Variants in SPOCK1 observed in about 807,000 individuals in gnomAD.
SPOCK1 encodes SPARC (osteonectin), cwcv and kazal like domains proteoglycan 1, also known as testican-1.
In SPOCK1, 23 loss-of-function variants were observed where a neutral mutation model predicts 55.3. The ratio of observed to expected loss-of-function variants is 0.42; its 90% CI spans 0.30 to 0.59. The LOEUF (loss-of-function observed/expected upper bound fraction) is 0.59, where lower values mean the gene tolerates loss of function less well. Ranked by LOEUF, SPOCK1 falls within the 20% of genes least tolerant of loss-of-function variation. The pLI, the probability that SPOCK1 is intolerant of heterozygous loss-of-function variation, is 0.22. For missense variants in SPOCK1, 499 were observed against 552.5 expected (o/e 0.90, Z 0.97); for synonymous variants, 226 against 221.0 (o/e 1.02, Z -0.20).
intron 5 of SPOCK1, among the ~76,000 whole-genome samples, chr5:137,097,303 C>T (rs1344078662): frequency 2.0e-5 from 3 of 152,156 alleles, no homozygotes; most frequent in Non-Finnish European, 2.9e-5. Flanking sequence ...TTTTCTGACT[C>T]CCTTGCACAT....
At chr5:137,496,253 C>T (rs138793812) in intron 2 of SPOCK1, among the ~76,000 whole-genome samples, 40 of 152,250 alleles carry the variant, frequency 2.6e-4, no homozygotes, top group African/African-American at 9.1e-4. Flanking sequence ...TTCAGGTGAG[C>T]TTCATCCTCA....
At chr5:137,143,864 G>T (rs1754144946) in intron 3 of SPOCK1, among the ~76,000 whole-genome samples, 1 of 152,136 alleles carries the variant, frequency 6.6e-6, no homozygotes, top group Non-Finnish European at 1.5e-5. Context: ...AGAGATGCAG[G>T]ACAAACCTGG....
intron 2 of SPOCK1, among the ~76,000 whole-genome samples, chr5:137,405,646 G>A (rs1256607836): frequency 6.6e-6 from 1 of 152,128 alleles, no homozygotes; most frequent in African/African-American, 2.4e-5. Flanking sequence ...AGCTACACAA[G>A]TGAGAGGTAC....
chr5:137,348,211 T>A (rs1001033628), intron 2 of SPOCK1, among the ~76,000 whole-genome samples: 13 of 152,120 alleles, frequency 8.5e-5, no homozygotes, highest in Admixed American at 5.2e-4. Context: ...AGGTTAGAGG[T>A]GGACATTCAG....
chr5:137,281,504 T>C (rs557225658), intron 2 of SPOCK1, among the ~76,000 whole-genome samples: 1 of 152,382 alleles, frequency 6.6e-6, no homozygotes, highest in East Asian at 1.9e-4. Flanking sequence ...CTGGCATTTC[T>C]GTACCCTATT....
chr5:137,186,287 T>C (rs1275581179), intron 3 of SPOCK1, among the ~76,000 whole-genome samples: 8 of 152,226 alleles, frequency 5.3e-5, no homozygotes, highest in African/African-American at 1.2e-4. Flanking sequence ...CACAGAGATA[T>C]GCTAAGTTGA....
intron 6 of SPOCK1, among the ~76,000 whole-genome samples, chr5:137,033,513 C>T (rs533428575): frequency 3.3e-5 from 5 of 152,296 alleles, no homozygotes; most frequent in African/African-American, 4.8e-5. Flanking sequence ...CCCTTGTCCC[C>T]GGGACTCACC....
chr5:137,470,108 G>A (rs1580944387), intron 2 of SPOCK1, among the ~76,000 whole-genome samples: 2 of 152,238 alleles, frequency 1.3e-5, no homozygotes, highest in Non-Finnish European at 2.9e-5. Flanking sequence ...ACCACAGATG[G>A]CCTGCATGAT....
intron 5 of SPOCK1, among the ~76,000 whole-genome samples, chr5:137,104,470 T>C (rs1380533114): frequency 6.6e-6 from 1 of 152,114 alleles, no homozygotes; most frequent in Non-Finnish European, 1.5e-5. Context: ...AAAATCAAAA[T>C]AATAAAATCT....
chr5:137,290,726 G>T (rs371833449), intron 2 of SPOCK1, among the ~76,000 whole-genome samples: 68 of 152,298 alleles, frequency 4.5e-4, no homozygotes, highest in African/African-American at 1.5e-3. Context: ...CCAGAAAAAG[G>T]TATTTCCAGG....
chr5:137,315,009 CT>C (rs1309317124), intron 2 of SPOCK1, among the ~76,000 whole-genome samples: 2 of 152,160 alleles, frequency 1.3e-5, no homozygotes, highest in African/African-American at 4.8e-5. Flanking sequence ...CCAAAGTCAG[CT>C]TCAGTATGCA....
intron 3 of SPOCK1, among the ~76,000 whole-genome samples, chr5:137,143,442 C>G (rs1459647379): frequency 2.0e-5 from 3 of 151,032 alleles, no homozygotes; most frequent in Non-Finnish European, 4.4e-5. Flanking sequence ...GGCAGAGTAG[C>G]TTCTGGAACA....
At chr5:137,309,837 TCAAA>T (rs1757760157) in intron 2 of SPOCK1, among the ~76,000 whole-genome samples, 1 of 152,112 alleles carries the variant, frequency 6.6e-6, no homozygotes, top group Non-Finnish European at 1.5e-5. Flanking sequence ...TAGGAGGTGC[TCAAA>T]CAGTGAGTAC....
intron 3 of SPOCK1, among the ~76,000 whole-genome samples, chr5:137,150,102 T>A (rs1324333481): frequency 1.3e-5 from 2 of 152,182 alleles, no homozygotes; most frequent in African/African-American, 4.8e-5. Flanking sequence ...CCCTGGACAC[T>A]TCAGAAACAC....
intron 2 of SPOCK1, among the ~76,000 whole-genome samples, chr5:137,419,655 T>TC (rs1752439681): frequency 6.6e-6 from 1 of 152,230 alleles, no homozygotes. Flanking sequence ...TGATTTTGTA[T>TC]CCTGAGACTT....
chr5:137,210,365 C>T (rs55746282), intron 3 of SPOCK1, among the ~76,000 whole-genome samples: 3,369 of 152,236 alleles, frequency 0.022, 53 homozygotes, highest in Non-Finnish European at 0.028. Flanking sequence ...GAACTGGATA[C>T]ATTATTTATC....
intron 2 of SPOCK1, among the ~76,000 whole-genome samples, chr5:137,317,002 C>G (rs1757891519): frequency 6.6e-6 from 1 of 152,154 alleles, no homozygotes; most frequent in Non-Finnish European, 1.5e-5. Flanking sequence ...TTTTTCCAAG[C>G]TGATAAGAGC....
At chr5:137,044,323 T>C (rs948771957) in intron 6 of SPOCK1, among the ~76,000 whole-genome samples, 7 of 152,212 alleles carry the variant, frequency 4.6e-5, no homozygotes, top group African/African-American at 1.7e-4. Context: ...CAGGGACTTC[T>C]TAGCAAAGTA....
chr5:137,039,836 C>G (rs756792495), intron 6 of SPOCK1, among the ~76,000 whole-genome samples: 1 of 152,240 alleles, frequency 6.6e-6, no homozygotes, highest in Non-Finnish European at 1.5e-5. Flanking sequence ...TGGGTATTCA[C>G]AGGTATACAG....
Sources: allele counts gnomAD v4.1 joint callset (sites outside exome capture counted in the v4.1 genomes callset), GRCh38; gene constraint gnomAD v4.1.1; transcripts MANE v1.5; gene names NCBI Gene and HGNC (gene_info 2026-07-23, HGNC 2026-07-21).